Variants in C8orf34 observed in about 807,000 individuals in gnomAD.
C8orf34 encodes uncharacterized protein C8orf34.
C8orf34 carries 65 observed loss-of-function variants against 68.3 expected under a neutral mutation model. The observed-to-expected ratio is 0.95, with a 90% CI of 0.78 to 1.17. The LOEUF (loss-of-function observed/expected upper bound fraction) is 1.17. Ranked by LOEUF, C8orf34 falls within the 50% of genes most tolerant of loss-of-function variation. The pLI is 0.00. For missense variants in C8orf34, 664 were observed against 655.4 expected (o/e 1.01, Z -0.14); for synonymous variants, 244 against 241.2 (o/e 1.01, Z -0.11).
chr8:68,812,276 A>C (rs2129529988), intron 12 of C8orf34, among the ~76,000 whole-genome samples: 1 of 152,342 alleles, frequency 6.6e-6, no homozygotes, highest in Non-Finnish European at 1.5e-5. Context: ...AGCATTTAGT[A>C]ATTACATTAA....
intron 1 of C8orf34, among the ~76,000 whole-genome samples, chr8:68,432,387 T>C (rs916651339): frequency 1.1e-4 from 17 of 152,182 alleles, no homozygotes; most frequent in Admixed American, 8.5e-4. Context: ...CTTGGCTCAC[T>C]GCAACCTTTG....
intron 1 of C8orf34, among the ~76,000 whole-genome samples, chr8:68,344,555 A>G (rs533739903): frequency 9.2e-5 from 14 of 152,188 alleles, no homozygotes; most frequent in Non-Finnish European, 1.6e-4. Flanking sequence ...AACATGAATA[A>G]AATGTACATG....
chr8:68,715,281 T>C (rs1563626021), intron 9 of C8orf34, among the ~76,000 whole-genome samples: 6 of 152,098 alleles, frequency 3.9e-5, no homozygotes, highest in Admixed American at 3.9e-4. Flanking sequence ...TGGGACTTAA[T>C]TGAACTAAAA....
chr8:68,451,666 T>C (rs1811351557), intron 3 of C8orf34, among the ~76,000 whole-genome samples: 1 of 152,054 alleles, frequency 6.6e-6, no homozygotes, highest in South Asian at 2.1e-4. Flanking sequence ...TACATGGGTG[T>C]GGTTTGTGGC....
chr8:68,701,529 T>A (rs927050116), intron 8 of C8orf34, among the ~76,000 whole-genome samples: 1 of 151,896 alleles, frequency 6.6e-6, no homozygotes, highest in African/African-American at 2.4e-5. Flanking sequence ...TTTTCCCCGC[T>A]CTTTCACCCC....
chr8:68,616,232 A>T (rs975883940), intron 7 of C8orf34, among the ~76,000 whole-genome samples: 1 of 151,898 alleles, frequency 6.6e-6, no homozygotes, highest in African/African-American at 2.4e-5. Flanking sequence ...TGATCCTTTC[A>T]AAAAACCAAC....
At chr8:68,720,035 T>G (rs902717070) in intron 9 of C8orf34, among the ~76,000 whole-genome samples, 2 of 151,972 alleles carry the variant, frequency 1.3e-5, no homozygotes, top group Non-Finnish European at 2.9e-5. Context: ...GCTTCAAGTA[T>G]TCTTTACAAG....
intron 8 of C8orf34, among the ~76,000 whole-genome samples, chr8:68,646,250 A>G (rs147926559): frequency 6.6e-6 from 1 of 152,170 alleles, no homozygotes; most frequent in East Asian, 1.9e-4. Flanking sequence ...TATTGCTTTT[A>G]TCAAGCAATA....
At chr8:68,780,090 GA>G (rs2129528732) in intron 11 of C8orf34, among the ~76,000 whole-genome samples, 1 of 152,160 alleles carries the variant, frequency 6.6e-6, no homozygotes, top group East Asian at 1.9e-4. Flanking sequence ...TAAATCGATG[GA>G]AAAATTGGCA....
intron 12 of C8orf34, 49 bp from the exon 13 acceptor site, chr8:68,815,837 A>G (rs1824794822): frequency 3.1e-6 from 5 of 1,613,234 alleles, no homozygotes; most frequent in South Asian, 1.1e-5. Context: ...TATTTAATCG[A>G]TGATTTTTCC....
chr8:68,685,139 A>G (rs1237541134), intron 8 of C8orf34, among the ~76,000 whole-genome samples: 2 of 152,116 alleles, frequency 1.3e-5, no homozygotes, highest in Admixed American at 6.6e-5. Context: ...GGTAACATAT[A>G]TGTACTTAAT....
intron 5 of C8orf34, among the ~76,000 whole-genome samples, chr8:68,511,917 G>A (rs1037681130): frequency 6.6e-6 from 1 of 152,184 alleles, no homozygotes. Flanking sequence ...GGTTGCTTCA[G>A]CTTTCTGATT....
intron 7 of C8orf34, among the ~76,000 whole-genome samples, chr8:68,559,496 A>C (rs2130141571): frequency 6.6e-6 from 1 of 152,304 alleles, no homozygotes; most frequent in African/African-American, 2.4e-5. Flanking sequence ...AAACTGATTA[A>C]AGAGAACTTT....
intron 7 of C8orf34, 132 bp downstream of exon 7, chr8:68,533,281 T>C: frequency 7.1e-7 from 1 of 1,407,364 alleles, no homozygotes; most frequent in Non-Finnish European, 9.2e-7. Context: ...ACATATTTTA[T>C]TTACATTAGA....
chr8:68,350,286 G>C (rs1806458106), intron 1 of C8orf34, among the ~76,000 whole-genome samples: 1 of 151,488 alleles, frequency 6.6e-6, no homozygotes, highest in Non-Finnish European at 1.5e-5. Flanking sequence ...TTGTGCTGTG[G>C]TCATAGAGTG....
At chr8:68,794,482 AATATATAT>A (rs1242445585) in intron 12 of C8orf34, among the ~76,000 whole-genome samples, 2 of 89,392 alleles carry the variant, frequency 2.2e-5, no homozygotes, top group South Asian at 6.1e-4. Flanking sequence ...TATAAATATA[AATATATAT>A]ATATATATAT....
chr8:68,695,718 T>C (rs1185407585), intron 8 of C8orf34: 1 of 152,058 alleles, frequency 6.6e-6, no homozygotes, highest in Admixed American at 6.6e-5. Context: ...GCCTGTTTAG[T>C]ACTTGGATGG....
intron 8 of C8orf34, among the ~76,000 whole-genome samples, chr8:68,691,787 T>C (rs2130908669): frequency 6.6e-6 from 1 of 152,208 alleles, no homozygotes; most frequent in South Asian, 2.1e-4. Context: ...CTTTTCTTTT[T>C]AATGGTAAAT....
chr8:68,726,557 T>C (rs2129526667), intron 10 of C8orf34, among the ~76,000 whole-genome samples: 2 of 152,266 alleles, frequency 1.3e-5, no homozygotes, highest in South Asian at 4.1e-4. Context: ...TGGAGGTAAA[T>C]TTGGTTATTT....
Sources: allele counts gnomAD v4.1 joint callset (sites outside exome capture counted in the v4.1 genomes callset), GRCh38; gene constraint gnomAD v4.1.1; transcripts MANE v1.5; gene names NCBI Gene and HGNC (gene_info 2026-07-23, HGNC 2026-07-21).